The following PIBF1 variants were observed in gnomAD, a reference collection of about 807,000 sequenced individuals.
The protein encoded by PIBF1 is progesterone immunomodulatory binding factor 1.
PIBF1 carries 90 observed loss-of-function variants against 112.5 expected under a neutral mutation model. The ratio of observed to expected loss-of-function variants is 0.80; its 90% CI spans 0.67 to 0.95. The LOEUF is 0.95. Ranked by LOEUF, PIBF1 falls within the 40% of genes least tolerant of loss-of-function variation. The pLI is 0.00. For synonymous variants in PIBF1, 301 were observed against 288.6 expected (o/e 1.04, Z -0.44); for missense variants, 915 against 852.3 (o/e 1.07, Z -0.92).
At chr13:72,934,809 T>A (rs2041815518) in intron 14 of PIBF1, among the ~76,000 whole-genome samples, 1 of 152,184 alleles carries the variant, frequency 6.6e-6, no homozygotes, top group Admixed American at 6.5e-5. Flanking sequence ...TGAATATACC[T>A]ATGAAACTAT....
intron 13 of PIBF1, among the ~76,000 whole-genome samples, chr13:72,929,689 G>T (rs1293061967): frequency 1.3e-5 from 2 of 151,914 alleles, no homozygotes; most frequent in Admixed American, 6.6e-5. Context: ...AAAAAAAGTG[G>T]TTGTCAAAAA....
intron 9 of PIBF1, among the ~76,000 whole-genome samples, chr13:72,851,787 A>G (rs1167766682): frequency 1.3e-5 from 2 of 152,190 alleles, no homozygotes. Flanking sequence ...ACTGAAGCCC[A>G]CAAAAACCCC....
chr13:72,870,285 A>G lies in PIBF1; in HGVS notation c.1322+16130A>G, dbSNP rs561785358. Among the ~76,000 whole-genome samples the G allele has an allele frequency of 2.6e-5, 4 of 152,284 alleles. No individual in the cohort carries two copies. In the South Asian group the frequency reaches 8.3e-4, roughly 32 times the overall value. On this transcript the variant is annotated intron_variant, in intron 10 of 17. Coordinates refer to ENST00000326291, the MANE Select transcript of PIBF1 (RefSeq NM_006346.4). ...CCCTTCCTGTCGATTTCAAATGTTT[A>G]ATGTTGCTTGCCTTGTTTCCTTTTA...
Position 72,931,209 on chromosome 13 carries a change from C to G in PIBF1, c.1775C>G (p.Ser592Trp). ...GTGCTTCAATTAGAAAAACAAAACT[C>G]GCTGATTTTAAAAGATCTGGAACAT... ...RRVLQLEKQN[S>W]LILKDLEHRK... is the part of the protein sequence containing the mutation. Residue 592 changes from serine (S) to tryptophan (W), a missense_variant, in exon 14 of 18, where the codon TCG (serine) becomes TGG (tryptophan). Ser to Trp is a radical substitution (Grantham distance 177). Transcript: ENST00000326291. 1 of 1,613,030 alleles carries G rather than the reference C, an allele frequency of 6.2e-7. No individual in the cohort carries two copies. Among genetic ancestry groups the G allele is most frequent in the Non-Finnish European group, 8.5e-7 (1 of 1,179,420 alleles).
At chr13:73,000,162 G>A (rs1453656527) in intron 17 of PIBF1, among the ~76,000 whole-genome samples, 4 of 152,172 alleles carry the variant, frequency 2.6e-5, no homozygotes, top group African/African-American at 7.2e-5. Context: ...GACACAAGGC[G>A]GCTGAGTCCA....
chr13:72,994,670 A>G (rs2043590203), intron 16 of PIBF1, among the ~76,000 whole-genome samples: 1 of 152,232 alleles, frequency 6.6e-6, no homozygotes, highest in African/African-American at 2.4e-5. Context: ...CTCAAATGCA[A>G]ACAATGAGAG....
At chr13:72,868,665 A>G (rs968251777) in intron 10 of PIBF1, among the ~76,000 whole-genome samples, 4 of 152,002 alleles carry the variant, frequency 2.6e-5, no homozygotes, top group Middle Eastern at 3.2e-3. Flanking sequence ...CAGTATAACC[A>G]ATATCACCTC....
chr13:72,885,468 C>T (rs532817372), intron 10 of PIBF1, among the ~76,000 whole-genome samples: 4 of 152,228 alleles, frequency 2.6e-5, no homozygotes, highest in Non-Finnish European at 5.9e-5. Flanking sequence ...GTTACTATGA[C>T]TCCATTCATT....
At chr13:72,801,194 A>G (rs988718724) in intron 5 of PIBF1, among the ~76,000 whole-genome samples, 2 of 152,146 alleles carry the variant, frequency 1.3e-5, no homozygotes, top group Non-Finnish European at 1.5e-5. Flanking sequence ...GAAAAGTTGC[A>G]GGATTTTGGA....
At chr13:72,848,738 A>G (rs1428825572) in intron 9 of PIBF1, among the ~76,000 whole-genome samples, 1 of 151,968 alleles carries the variant, frequency 6.6e-6, no homozygotes, top group Non-Finnish European at 1.5e-5. Context: ...AGGCTGAGCC[A>G]GGAGAATGGC....
chr13:72,951,802 A>G (rs1370011377), intron 14 of PIBF1, among the ~76,000 whole-genome samples: 1 of 152,124 alleles, frequency 6.6e-6, no homozygotes, highest in Admixed American at 6.5e-5. Context: ...CCCAGGCTCA[A>G]GCAATTCTCA....
intron 9 of PIBF1, among the ~76,000 whole-genome samples, chr13:72,845,894 T>G (rs2037852280): frequency 6.6e-6 from 1 of 152,170 alleles, no homozygotes; most frequent in African/African-American, 2.4e-5. Context: ...CCCTAAGACC[T>G]TCATGTTGCC....
At chr13:72,853,694 T>G (rs2038276422) in intron 9 of PIBF1, among the ~76,000 whole-genome samples, 1 of 152,214 alleles carries the variant, frequency 6.6e-6, no homozygotes, top group Non-Finnish European at 1.5e-5. Flanking sequence ...CTTAAAATAT[T>G]TTATGGGACA....
At chr13:72,953,014 T>G (rs2042344501) in intron 14 of PIBF1, among the ~76,000 whole-genome samples, 2 of 152,072 alleles carry the variant, frequency 1.3e-5, no homozygotes, top group African/African-American at 4.8e-5. Flanking sequence ...CCATACTTAA[T>G]AGTGAGCAGA....
At chr13:72,997,695 C>T (rs1161647212) in intron 16 of PIBF1, among the ~76,000 whole-genome samples, 1 of 152,148 alleles carries the variant, frequency 6.6e-6, no homozygotes, top group Non-Finnish European at 1.5e-5. Flanking sequence ...GAGAGCAGAA[C>T]ATTGTTCTAT....
intron 14 of PIBF1, among the ~76,000 whole-genome samples, chr13:72,952,005 C>G (rs2042310397): frequency 6.8e-6 from 1 of 146,754 alleles, no homozygotes; most frequent in South Asian, 2.2e-4. Flanking sequence ...GCTTTAATTT[C>G]TTTTAATTTC....
chr13:72,923,757 G>A lies in PIBF1; in HGVS notation c.1730+6591G>A, dbSNP rs142645979. 8.0e-3 allele frequency among the ~76,000 whole-genome samples: 1,221 copies of A among 152,256 alleles called. 9 individuals are homozygous for A. Among genetic ancestry groups the A allele is most frequent in the Non-Finnish European group, 0.013 (902 of 68,022 alleles). ...AGGCAGGTGAATCACCTGAGGTCAG[G>A]AGTTCGAGACTAGCCTGGCCAACAT... On this transcript the variant is annotated intron_variant, in intron 13 of 17. Coordinates refer to ENST00000326291, the MANE Select transcript of PIBF1 (RefSeq NM_006346.4).
Position 72,802,581 on chromosome 13 carries a change from G to A in PIBF1, c.672+4555G>A, listed in dbSNP as rs76820249. 6.4e-3 allele frequency among the ~76,000 whole-genome samples: 980 copies of A among 152,266 alleles called. 19 individuals are homozygous for A. Among genetic ancestry groups the A allele is most frequent in the African/African-American group, 0.022 (917 of 41,560 alleles). Reference sequence around the variant, plus strand: ...AATTAACTCTAAAAAATGTTAGTTTGAATAACTGGAAGGATAGATTTCTGT... The same window carrying A: ...AATTAACTCTAAAAAATGTTAGTTTAAATAACTGGAAGGATAGATTTCTGT... On this transcript the variant is annotated intron_variant, in intron 5 of 17. Transcript: ENST00000326291.
intron 11 of PIBF1, among the ~76,000 whole-genome samples, chr13:72,899,927 G>A (rs2040421243): frequency 6.6e-6 from 1 of 152,136 alleles, no homozygotes; most frequent in Admixed American, 6.5e-5. Context: ...CAAGATTGAT[G>A]TACACAAATC....
Sources: allele counts gnomAD v4.1 joint callset (sites outside exome capture counted in the v4.1 genomes callset), GRCh38; gene constraint gnomAD v4.1.1; transcripts MANE v1.5; gene names NCBI Gene and HGNC (gene_info 2026-07-23, HGNC 2026-07-21).